CEP78: variants seen among roughly 807,000 people sequenced by gnomAD.
CEP78 encodes the protein centrosomal protein of 78 kDa.
In CEP78, 76 loss-of-function variants were observed where a neutral mutation model predicts 81.2. The ratio of observed to expected loss-of-function variants is 0.94; its 90% CI spans 0.78 to 1.13. The LOEUF is 1.13. Ranked by LOEUF, CEP78 falls within the 50% of genes most tolerant of loss-of-function variation. CEP78 has a pLI of 0.00. For synonymous variants in CEP78, 293 were observed against 301.4 expected (o/e 0.97, Z 0.29); for missense variants, 918 against 846.8 (o/e 1.08, Z -1.04).
rs1253086396 is a variant in CEP78, at chr9:78,279,027, C to A, written c.*8176C>A. On this transcript the variant is annotated 3_prime_UTR_variant, in exon 17 of 17. Coordinates refer to ENST00000643273, the MANE Select transcript of CEP78 (RefSeq NM_001330691.3). ...AAAGGGCTCAGAGAATGCCCGAGTT[C>A]TCTTAGTACAGTTTGTACATTTTAA... The A allele has an allele frequency of 1.4e-5, 2 of 143,428 alleles. No individual in the cohort carries two copies. The highest frequency in any genetic ancestry group is 3.0e-5 in the Non-Finnish European group (2 of 67,418). The allele number at this position is 143,428 out of a possible 1,614,324, so 8.9% of individuals were successfully genotyped here. A position where few individuals can be genotyped will look rare whatever the true frequency, so the allele number is the denominator to read the frequency against.
At chr9:78,238,802 C>G (rs1826082405) in intron 1 of CEP78, among the ~76,000 whole-genome samples, 2 of 152,034 alleles carry the variant, frequency 1.3e-5, no homozygotes, top group Non-Finnish European at 2.9e-5. Context: ...CACTGGTAAT[C>G]CTAACACTTT....
At chr9:78,254,604 A>G (rs1440453372) in intron 10 of CEP78, 2 of 187,004 alleles carry the variant, frequency 1.1e-5, no homozygotes, top group East Asian at 2.5e-4. Flanking sequence ...AAAAAAAAAT[A>G]TGGGCGATTC....
intron 11 of CEP78, among the ~76,000 whole-genome samples, chr9:78,260,113 T>C (rs752083894): frequency 3.9e-5 from 6 of 152,256 alleles, no homozygotes; most frequent in Non-Finnish European, 8.8e-5. Flanking sequence ...AGAGGTGATA[T>C]ATCCAAGTGA....
rs1042231972 is a variant in CEP78, at chr9:78,262,968, A to G, written c.1442A>G (p.Asp481Gly). The G allele has an allele frequency of 6.5e-7, 1 of 1,541,920 alleles. No individual in the cohort carries two copies. Among genetic ancestry groups the G allele is most frequent in the Admixed American group, 2.0e-5 (1 of 49,546 alleles). Residue 481 changes from aspartate to glycine, a missense_variant, in exon 12 of 17, where the codon GAT (aspartate) becomes GGT (glycine). By Grantham distance (94) the Asp-to-Gly change is moderately conservative. Coordinates refer to ENST00000643273, the MANE Select transcript of CEP78 (RefSeq NM_001330691.3). Reference sequence around the variant, plus strand: ...GAAAGAGTGATAAGGCTTAAGGTTGATAAACGAGTCAGTGAGGTAAATAAA... The same window carrying G: ...GAAAGAGTGATAAGGCTTAAGGTTGGTAAACGAGTCAGTGAGGTAAATAAA... ...KEERVIRLKV[D>G]KRVSELEHEN...
chr9:78,242,672 C>T (rs372263562), intron 4 of CEP78, among the ~76,000 whole-genome samples: 5 of 152,080 alleles, frequency 3.3e-5, no homozygotes, highest in African/African-American at 9.7e-5. Flanking sequence ...TTTCATTTGA[C>T]GGAGTCATAG....
intron 16 of CEP78, among the ~76,000 whole-genome samples, chr9:78,269,868 G>A (rs1318149301): frequency 1.3e-5 from 2 of 152,174 alleles, no homozygotes; most frequent in Non-Finnish European, 2.9e-5. Context: ...TAAAGAAGGA[G>A]AGGCTCATTT....
chr9:78,266,000 G>A (rs1423422623), intron 15 of CEP78, 94 bp downstream of exon 15: 2 of 673,628 alleles, frequency 3.0e-6, no homozygotes, highest in African/African-American at 3.6e-5. Context: ...GGAATGGGAG[G>A]GGCAAACCTG....
At chr9:78,262,850 G>A in intron 11 of CEP78, 57 bp from the exon 12 acceptor site, 1 of 1,109,220 alleles carries the variant, frequency 9.0e-7, no homozygotes, top group South Asian at 1.5e-5. Flanking sequence ...AGCTGGAAGA[G>A]TTTTGGGGAT....
In CEP78 at chr9:78,248,772, T is replaced by G. The variant is rs1363102725; in HGVS notation, c.968T>G (p.Ile323Arg). The G allele has an allele frequency of 6.4e-7, 1 of 1,563,174 alleles. No individual in the cohort carries two copies. Among genetic ancestry groups the G allele is most frequent in the Admixed American group, 1.8e-5 (1 of 54,620 alleles). The stretch of plus-strand genomic sequence containing the variant: ...TTCTGTCTCTTTTAGTACCAGTGGA[T>G]AACTTCTCCATCAGTGAAGGAACCA... ...GRSAKSEYQW[I>R]TSPSVKEPSK... is the part of the protein sequence containing the mutation. The change falls in exon 8 of 17, where the codon ATA becomes AGA. Residue 323 changes from isoleucine (I) to arginine (R), a missense_variant. Transcript: ENST00000643273.
intron 16 of CEP78, among the ~76,000 whole-genome samples, chr9:78,268,304 G>A (rs1030345919): frequency 3.3e-5 from 5 of 152,162 alleles, no homozygotes; most frequent in South Asian, 2.1e-4. Context: ...GAGTATGTGC[G>A]TTTGAGGAAC....
intron 11 of CEP78, among the ~76,000 whole-genome samples, chr9:78,255,840 A>T (rs1238412917): frequency 6.6e-6 from 1 of 152,180 alleles, no homozygotes; most frequent in Non-Finnish European, 1.5e-5. Flanking sequence ...TGTCTGATTC[A>T]TGTTCATTAT....
At chr9:78,252,147 T>G in intron 9 of CEP78, 104 bp downstream of exon 9, 2 of 987,370 alleles carry the variant, frequency 2.0e-6, no homozygotes, top group Non-Finnish European at 1.4e-6. Context: ...GTCTGTAGGG[T>G]AAAAATGACT....
chr9:78,275,199 CTAGAT>C lies in CEP78; in HGVS notation c.*4349_*4353del, dbSNP rs1827776238. ...GTGTTAAACCAATAAATTTGAAAGACTAGATGAAATGTGACTGTTTAAAAATATGG... is the reference window on the plus strand; with the variant it reads ...GTGTTAAACCAATAAATTTGAAAGACGAAATGTGACTGTTTAAAAATATGG... On this transcript the variant is annotated 3_prime_UTR_variant, in exon 17 of 17. Transcript: ENST00000643273. 6.6e-6 allele frequency: 1 copy of C among 151,956 alleles called. No individual in the cohort carries two copies. Among genetic ancestry groups the C allele is most frequent in the African/African-American group, 2.4e-5 (1 of 41,380 alleles). The allele number at this position is 151,956 out of a possible 1,614,324, so 9.4% of individuals were successfully genotyped here.
chr9:78,272,040 C>T lies in CEP78; in HGVS notation c.*1189C>T, dbSNP rs1173482478. On this transcript the variant is annotated 3_prime_UTR_variant, in exon 17 of 17. Transcript: ENST00000643273. ...TGAAGTGATCTTCCTGCCTCAGCCC[C>T]CCTAGTAACTGGGATTACAGGCACA... The T allele has an allele frequency of 6.6e-6, 1 of 152,230 alleles. No individual in the cohort carries two copies. The highest frequency in any genetic ancestry group is 6.5e-5 in the Admixed American group (1 of 15,280). 9.4% of individuals were successfully genotyped at this position (152,230 alleles called of 1,614,324 possible).
At chr9:78,247,420 T>C (rs906843186) in intron 6 of CEP78, among the ~76,000 whole-genome samples, 1 of 152,070 alleles carries the variant, frequency 6.6e-6, no homozygotes, top group African/African-American at 2.4e-5. Context: ...TGTAGTTACA[T>C]AGGTGGCAGG....
intron 16 of CEP78, among the ~76,000 whole-genome samples, chr9:78,269,971 T>C (rs184254870): frequency 2.6e-5 from 4 of 152,348 alleles, no homozygotes; most frequent in African/African-American, 9.6e-5. Context: ...GATGTACATA[T>C]TTGAATTCTT....
At position 78,266,383 on chromosome 9, in the gene CEP78, C is replaced by G. The variant is rs79130026; in HGVS notation, c.1846-59C>G. The stretch of plus-strand genomic sequence containing the variant: ...CAGAATAACATTGACGTTTTGAACT[C>G]GATTTTTAAATGGATGGCTTTGTTT... On this transcript the variant is annotated intron_variant, in intron 15 of 16. Coordinates refer to ENST00000643273, the MANE Select transcript of CEP78 (RefSeq NM_001330691.3). 682 of 1,323,848 alleles carry G rather than the reference C, an allele frequency of 5.2e-4. 3 individuals are homozygous for G. In the African/African-American group the frequency reaches 7.6e-3, roughly 15 times the overall value. The allele number at this position is 1,323,848 out of a possible 1,614,324, so 82.0% of individuals were successfully genotyped here. A position where few individuals can be genotyped will look rare whatever the true frequency, so the allele number is the denominator to read the frequency against.
rs1194789642 is a variant in CEP78, at chr9:78,272,857, G to A, written c.*2006G>A. The A allele has an allele frequency of 6.6e-6, 1 of 152,166 alleles. No individual in the cohort carries two copies. Among genetic ancestry groups the A allele is most frequent in the East Asian group, 1.9e-4 (1 of 5,188 alleles). 9.4% of individuals were successfully genotyped at this position (152,166 alleles called of 1,614,324 possible). ...TGGTTGCAGTGTCCAAGGAAAGACA[G>A]TATGATGCAGCATATATTGTGACTT... On this transcript the variant is annotated 3_prime_UTR_variant, in exon 17 of 17. Transcript: ENST00000643273.
At chr9:78,260,202 C>T (rs1827211229) in intron 11 of CEP78, among the ~76,000 whole-genome samples, 1 of 152,042 alleles carries the variant, frequency 6.6e-6, no homozygotes, top group South Asian at 2.1e-4. Flanking sequence ...TATTGCAGAG[C>T]CTTAAAAATG....
Sources: gnomAD v4.1 joint callset for allele counts (sites outside exome capture counted in the v4.1 genomes callset) on GRCh38, gnomAD v4.1.1 for gene constraint, MANE v1.5 for transcripts, NCBI Gene and HGNC (gene_info 2026-07-23, HGNC 2026-07-21) for gene names.